The following ITPKB variants were observed in gnomAD, a reference collection of about 807,000 sequenced individuals.
ITPKB encodes the protein IP3 3-kinase B.
In ITPKB, 13 loss-of-function variants were observed where a neutral mutation model predicts 69.4. The observed-to-expected ratio is 0.19, with a 90% CI of 0.12 to 0.30. The LOEUF is 0.30. ITPKB is among the 10% of genes least tolerant of loss of function. The probability of loss-of-function intolerance (pLI) is 1.00; values close to 1 mark genes in which losing one functional copy is unlikely to be tolerated. For synonymous variants in ITPKB, 584 were observed against 513.7 expected (o/e 1.14, Z -1.85); for missense variants, 1,240 against 1,250.5 (o/e 0.99, Z 0.13).
At chr1:226,647,081 TC>T in intron 4 of ITPKB, 85 bp downstream of exon 4, 1 of 1,255,602 alleles carries the variant, frequency 8.0e-7, no homozygotes, top group South Asian at 1.3e-5. Context: ...CTGTGAGGCC[TC>T]CGGGAAGCCC....
At chr1:226,654,452 C>T (rs1669250444) in intron 2 of ITPKB, among the ~76,000 whole-genome samples, 1 of 152,192 alleles carries the variant, frequency 6.6e-6, no homozygotes, top group Non-Finnish European at 1.5e-5. Context: ...TTCCTCTTCC[C>T]CTTTTCCCAG....
At chr1:226,678,774 G>A (rs534734410) in intron 2 of ITPKB, among the ~76,000 whole-genome samples, 6 of 152,360 alleles carry the variant, frequency 3.9e-5, no homozygotes, top group African/African-American at 1.4e-4. Context: ...TGACAACGGT[G>A]TTCATGATAG....
intron 2 of ITPKB, among the ~76,000 whole-genome samples, chr1:226,701,073 A>G (rs538447649): frequency 6.6e-6 from 1 of 152,176 alleles, no homozygotes; most frequent in Non-Finnish European, 1.5e-5. Context: ...CAGCTACCCA[A>G]TGACACTGAT....
intron 2 of ITPKB, among the ~76,000 whole-genome samples, chr1:226,720,318 ATCCACCTCT>A (rs1657203297): frequency 6.6e-6 from 1 of 152,094 alleles, no homozygotes; most frequent in Non-Finnish European, 1.5e-5. Context: ...TGCTCCACCC[ATCCACCTCT>A]GCATTCAGTT....
Position 226,736,717 on chromosome 1 carries a change from C to T in ITPKB, c.742G>A (p.Ala248Thr). 1.2e-6 allele frequency: 2 copies of T among 1,612,730 alleles called. No homozygotes were observed. Among genetic ancestry groups the T allele is most frequent in the Non-Finnish European group, 1.7e-6 (2 of 1,179,696 alleles). The change falls in exon 2 of 8, where the codon GCT (alanine) becomes ACT (threonine). Residue 248 changes from alanine to threonine, a missense_variant. This residue lies in a region of ITPKB where 992 missense variants were observed against 853.8 expected (regional missense o/e 1.16). Coordinates refer to ENST00000429204, the MANE Select transcript of ITPKB (RefSeq NM_002221.4). ...CTTACAAAAGCGGATGGACCCTGAG[C>T]CTCTGATCCTGTAGGGGCAGCCCGG... The part of the protein sequence containing the change: ...PGRAAPTGSE[A>T]QGPSAFVRME...
At chr1:226,710,366 AGTAAAAATGC>A (rs1656916461) in intron 2 of ITPKB, among the ~76,000 whole-genome samples, 1 of 152,262 alleles carries the variant, frequency 6.6e-6, no homozygotes, top group Non-Finnish European at 1.5e-5. Context: ...CCCAGTGCAA[AGTAAAAATGC>A]AGCGCCCTTG....
intron 2 of ITPKB, among the ~76,000 whole-genome samples, chr1:226,733,586 A>C (rs1011604439): frequency 3.3e-5 from 5 of 151,840 alleles, no homozygotes; most frequent in Non-Finnish European, 5.9e-5. Flanking sequence ...ACACACACAC[A>C]CACCCACCCC....
At chr1:226,686,598 C>G (rs1656221755) in intron 2 of ITPKB, among the ~76,000 whole-genome samples, 1 of 152,228 alleles carries the variant, frequency 6.6e-6, no homozygotes, top group Non-Finnish European at 1.5e-5. Flanking sequence ...AACGTGCCCT[C>G]CATCCCAGCA....
chr1:226,694,410 CCTTT>C (rs1335216526), intron 2 of ITPKB, among the ~76,000 whole-genome samples: 7 of 152,204 alleles, frequency 4.6e-5, no homozygotes, highest in African/African-American at 1.2e-4. Context: ...TCCTAGTCAA[CCTTT>C]CTATCTATGA....
At chr1:226,692,527 C>T (rs1656382295) in intron 2 of ITPKB, among the ~76,000 whole-genome samples, 1 of 152,240 alleles carries the variant, frequency 6.6e-6, no homozygotes, top group Non-Finnish European at 1.5e-5. Context: ...GACTTCTTAA[C>T]ATAAACCACC....
chr1:226,682,985 G>A (rs190735918), intron 2 of ITPKB, among the ~76,000 whole-genome samples: 90 of 152,284 alleles, frequency 5.9e-4, no homozygotes, highest in African/African-American at 2.1e-3. Flanking sequence ...TGTGTCATCC[G>A]AAGCAGCTCT....
chr1:226,697,529 T>C (rs1487689908), intron 2 of ITPKB, among the ~76,000 whole-genome samples: 3 of 152,208 alleles, frequency 2.0e-5, no homozygotes, highest in African/African-American at 7.2e-5. Flanking sequence ...AGGGAATCTC[T>C]TTGTGCGTGA....
At chr1:226,701,301 T>C (rs912303761) in intron 2 of ITPKB, among the ~76,000 whole-genome samples, 2 of 152,120 alleles carry the variant, frequency 1.3e-5, no homozygotes, top group South Asian at 2.1e-4. Context: ...CTAACAACAG[T>C]CCTACTTAAA....
At chr1:226,735,472 CAA>C in intron 2 of ITPKB, 53 bp downstream of exon 2, 1 of 1,449,396 alleles carries the variant, frequency 6.9e-7, no homozygotes, top group Admixed American at 2.6e-5. Context: ...CATAGGGCAT[CAA>C]AAGTCTGCTG....
intron 2 of ITPKB, among the ~76,000 whole-genome samples, chr1:226,724,897 G>C (rs567308977): frequency 1.7e-4 from 26 of 152,316 alleles, no homozygotes; most frequent in Admixed American, 1.7e-3. Context: ...ACTGGGGCAG[G>C]GGTGCCCTCT....
At chr1:226,728,804 C>T (rs1657498980) in intron 2 of ITPKB, among the ~76,000 whole-genome samples, 4 of 152,170 alleles carry the variant, frequency 2.6e-5, no homozygotes, top group Admixed American at 2.6e-4. Flanking sequence ...GCTTGCTAGC[C>T]ATGTGTAGAC....
chr1:226,633,080 A>C lies in ITPKB; in HGVS notation c.*1591T>G, dbSNP rs1668757887. Reference sequence around the variant, plus strand: ...GGAGCTCACCACTGTTTTAAACAAGAGCCAGGAAGTGTAAGTTGATTTCCT... The same window carrying C: ...GGAGCTCACCACTGTTTTAAACAAGCGCCAGGAAGTGTAAGTTGATTTCCT... On this transcript the variant is annotated 3_prime_UTR_variant, in exon 8 of 8. Transcript: ENST00000429204. 1.3e-5 allele frequency: 2 copies of C among 152,372 alleles called. No individual in the cohort carries two copies. Among genetic ancestry groups the C allele is most frequent in the South Asian group, 4.1e-4 (2 of 4,832 alleles). 9.4% of individuals were successfully genotyped at this position (152,372 alleles called of 1,614,324 possible).
intron 2 of ITPKB, among the ~76,000 whole-genome samples, chr1:226,715,306 G>C (rs1426563330): frequency 1.3e-5 from 2 of 152,222 alleles, no homozygotes; most frequent in Non-Finnish European, 2.9e-5. Flanking sequence ...GTTAGTCGCA[G>C]GTAGTAGATA....
chr1:226,736,957 G>A lies in ITPKB; in HGVS notation c.502C>T (p.Arg168Cys). 3.7e-6 allele frequency: 6 copies of A among 1,611,956 alleles called. No homozygotes were observed. Among genetic ancestry groups the A allele is most frequent in the Non-Finnish European group, 5.1e-6 (6 of 1,179,948 alleles). ...GAGGGCGAGCGAGCCCTGCCCAAAC[G>A]CGGGCTGCGGGGCGCTTGAATGGCG... is the stretch of plus-strand genomic sequence containing the variant. ...SSAIQAPRSP[R>C]LGRARSPSPC... The change falls in exon 2 of 8, where the codon CGT becomes TGT. Residue 168 changes from arginine to cysteine, a missense_variant. Coordinates refer to ENST00000429204, the MANE Select transcript of ITPKB (RefSeq NM_002221.4).
Sources: allele counts gnomAD v4.1 joint callset (sites outside exome capture counted in the v4.1 genomes callset), GRCh38; gene constraint gnomAD v4.1.1; regional missense constraint gnomAD v4.1.1; transcripts MANE v1.5; gene names NCBI Gene and HGNC (gene_info 2026-07-23, HGNC 2026-07-21).